The following WNT9B variants were observed in gnomAD, a reference collection of about 807,000 sequenced individuals.
WNT9B encodes the protein protein Wnt-9b.
Under a neutral mutation model 30.2 loss-of-function variants are expected in WNT9B, and 12 were observed. The observed-to-expected ratio is 0.40, with a 90% CI of 0.26 to 0.64. WNT9B has a LOEUF of 0.64. WNT9B is among the 30% of genes least tolerant of loss of function. The probability of loss-of-function intolerance (pLI) is 0.42; values close to 1 mark genes in which losing one functional copy is unlikely to be tolerated. For synonymous variants in WNT9B, 218 were observed against 216.9 expected (o/e 1.01, Z -0.05); for missense variants, 442 against 485.2 (o/e 0.91, Z 0.84).
rs185581470 is a variant in WNT9B, at chr17:46,872,304, C to T, written c.78-213C>T. On this transcript the variant is annotated intron_variant, in intron 1 of 3. Transcript: ENST00000290015. ...ATAGGGTGGATAAGAAGAGCAGAGA[C>T]CGGAATCTGGAAAACAGGTTTAAGG... 2.4e-4 allele frequency among the ~76,000 whole-genome samples: 37 copies of T among 152,290 alleles called. No homozygotes were observed. The East Asian group carries it at 7.1e-3, about 29-fold the overall frequency.
rs1469225608 is a variant in WNT9B, at chr17:46,874,951, G to A, written c.335-150G>A. 5 of 1,239,882 alleles carry A rather than the reference G, an allele frequency of 4.0e-6. No homozygotes were observed. In the Admixed American group the frequency reaches 5.1e-5, roughly 13 times the overall value. 76.8% of individuals were successfully genotyped at this position (1,239,882 alleles called of 1,614,324 possible). On this transcript the variant is annotated intron_variant, in intron 2 of 3. Transcript: ENST00000290015. ...TTGACAGGGAGACCCACCCGGAGCT[G>A]TGTCCTCAAGCCACATTCTCTTGTC... is the stretch of plus-strand genomic sequence containing the variant.
At chr17:46,883,140 G>A (rs1325811233), downstream of WNT9B, among the ~76,000 whole-genome samples, 6 of 152,032 alleles carry the variant, frequency 3.9e-5, no homozygotes, top group African/African-American at 1.2e-4. Context: ...CACCACGCCC[G>A]GCTAATTTTG....
intron 1 of WNT9B, among the ~76,000 whole-genome samples, chr17:46,864,272 G>A (rs1254402858): frequency 6.6e-6 from 1 of 152,166 alleles, no homozygotes; most frequent in Admixed American, 6.5e-5. Flanking sequence ...CACCAGGAGT[G>A]CGGTTTCAGC....
rs1461208663 is a variant in WNT9B at position 46,879,698 on chromosome 17, A to G, written c.*2980A>G. On this transcript the variant is annotated 3_prime_UTR_variant, in exon 4 of 4. Coordinates refer to ENST00000290015, the MANE Select transcript of WNT9B (RefSeq NM_003396.3). ...TATTTACTGAACATCTCCATAGACC[A>G]GGCACTACGGGCTGACCTGCTCTGA... Among the ~76,000 whole-genome samples, 1 of 152,240 alleles carries G rather than the reference A, an allele frequency of 6.6e-6. No individual in the cohort carries two copies. The highest frequency in any genetic ancestry group is 2.4e-5 in the African/African-American group (1 of 41,464).
At chr17:46,844,848 CT>C (rs1341796766) in intron 1 of WNT9B, among the ~76,000 whole-genome samples, 1 of 151,622 alleles carries the variant, frequency 6.6e-6, no homozygotes, top group Non-Finnish European at 1.5e-5. Context: ...TTCTTTCTTT[CT>C]TTTTTATTTT....
At chr17:46,884,753 G>A (rs575256575), downstream of WNT9B, among the ~76,000 whole-genome samples, 2 of 152,268 alleles carry the variant, frequency 1.3e-5, no homozygotes, top group South Asian at 2.1e-4. Flanking sequence ...ACTTGCCTGA[G>A]GTCACACAGC....
rs149119515 is a variant in WNT9B at position 46,875,247 on chromosome 17, G to C, written c.481G>C (p.Val161Leu). 6.2e-7 allele frequency: 1 copy of C among 1,614,202 alleles called. No individual in the cohort carries two copies. The highest frequency in any genetic ancestry group is 1.1e-5 in the South Asian group (1 of 91,082). Residue 161 changes from valine to leucine, a missense_variant, in exon 3 of 4, where the codon GTG (valine) becomes CTG (leucine). Coordinates refer to ENST00000290015, the MANE Select transcript of WNT9B (RefSeq NM_003396.3). Reference sequence around the variant, plus strand: ...GAGCCGGCAGGCCTGGCAGTGGGGCGTGTGCGGTGACAACCTCAAGTACAG... The same window carrying C: ...GAGCCGGCAGGCCTGGCAGTGGGGCCTGTGCGGTGACAACCTCAAGTACAG... Reference protein sequence around the residue: ...LESRQAWQWGVCGDNLKYSTK... With the variant: ...LESRQAWQWGLCGDNLKYSTK...
chr17:46,869,801 C>G, intron 1 of WNT9B, among the ~76,000 whole-genome samples: 1 of 151,984 alleles, frequency 6.6e-6, no homozygotes, highest in Non-Finnish European at 1.5e-5. Flanking sequence ...GAGTTCGAAA[C>G]CAGCCTGGCT....
intron 1 of WNT9B, among the ~76,000 whole-genome samples, chr17:46,868,270 T>C (rs1438465395): frequency 6.6e-6 from 1 of 152,236 alleles, no homozygotes; most frequent in East Asian, 1.9e-4. Context: ...TAGCATCTCA[T>C]TGGCCATAAG....
At position 46,880,178 on chromosome 17, in the gene WNT9B, G is replaced by T. The variant is rs1428611872; in HGVS notation, c.*3460G>T. ...CCGTTGCTCATGGATGCCCCTGCCT[G>T]CCTCTCATGAGCACATAGTCCTGTC... On this transcript the variant is annotated 3_prime_UTR_variant, in exon 4 of 4. Coordinates refer to ENST00000290015, the MANE Select transcript of WNT9B (RefSeq NM_003396.3). 1.3e-5 allele frequency among the ~76,000 whole-genome samples: 2 copies of T among 152,164 alleles called. No individual in the cohort carries two copies. Among genetic ancestry groups the T allele is most frequent in the Non-Finnish European group, 2.9e-5 (2 of 68,026 alleles).
At chr17:46,844,594 C>T (rs2084753099) in intron 1 of WNT9B, among the ~76,000 whole-genome samples, 2 of 152,158 alleles carry the variant, frequency 1.3e-5, no homozygotes, top group Admixed American at 1.3e-4. Context: ...TTGCATTCCT[C>T]TAGGCACCTA....
At chr17:46,874,194 A>C (rs1309279772) in intron 2 of WNT9B, among the ~76,000 whole-genome samples, 17 of 152,132 alleles carry the variant, frequency 1.1e-4, no homozygotes, top group South Asian at 6.2e-4. Flanking sequence ...AGCAGAGAGG[A>C]GTGTCGGTGG....
chr17:46,842,983 C>T (rs750302699), intron 1 of WNT9B, among the ~76,000 whole-genome samples: 1 of 152,158 alleles, frequency 6.6e-6, no homozygotes, highest in Admixed American at 6.5e-5. Context: ...TAAGTTAGGA[C>T]CCAGGGTTCT....
At chr17:46,851,139 C>T (rs1363900463), upstream of WNT9B, among the ~76,000 whole-genome samples, 1 of 152,176 alleles carries the variant, frequency 6.6e-6, no homozygotes, top group African/African-American at 2.4e-5. The surrounding 1 kb of genome is among the most constrained non-coding windows in gnomAD (Gnocchi z 4.3). Flanking sequence ...CGCACTTGCC[C>T]GGCAGGAGGG....
upstream of WNT9B, among the ~76,000 whole-genome samples, chr17:46,849,202 G>A (rs1247454748): frequency 6.6e-6 from 1 of 152,210 alleles, no homozygotes; most frequent in Non-Finnish European, 1.5e-5. Context: ...TATTTTCCTC[G>A]TGTTTCTCAC....
rs527400844 is a variant in WNT9B at position 46,877,160 on chromosome 17, C to T, written c.*442C>T. ...AGGCAGTGCCAGCTGGAAGTGAAGG[C>T]GGGAGCCTGGCTGAGATGGGTCAAT... On this transcript the variant is annotated 3_prime_UTR_variant, in exon 4 of 4. Coordinates refer to ENST00000290015, the MANE Select transcript of WNT9B (RefSeq NM_003396.3). 21 of 905,482 alleles carry T rather than the reference C, an allele frequency of 2.3e-5. No individual in the cohort carries two copies. The highest frequency in any genetic ancestry group is 2.6e-5 in the Non-Finnish European group (20 of 757,196). 56.1% of individuals were successfully genotyped at this position (905,482 alleles called of 1,614,324 possible).
intron 1 of WNT9B, among the ~76,000 whole-genome samples, chr17:46,837,233 G>A (rs2084644545): frequency 4.6e-5 from 7 of 152,196 alleles, no homozygotes; most frequent in Admixed American, 3.3e-4. Flanking sequence ...GAGCCACCGT[G>A]CCTGGCTGAA....
Position 46,851,662 on chromosome 17 carries a change from C to T in WNT9B, c.24C>T (p.Ala8=), listed in dbSNP as rs2084847866. The T allele has an allele frequency of 5.4e-6, 7 of 1,301,002 alleles. No homozygotes were observed. The highest frequency in any genetic ancestry group is 6.8e-6 in the Non-Finnish European group (7 of 1,028,760). The allele number at this position is 1,301,002 out of a possible 1,614,324, so 80.6% of individuals were successfully genotyped here. Residue 8 remains alanine, a synonymous_variant, in exon 1 of 4, where the codon GCC becomes GCT. Coordinates refer to ENST00000290015, the MANE Select transcript of WNT9B (RefSeq NM_003396.3). The surrounding 1 kb of genome is among the most constrained non-coding windows in gnomAD (Gnocchi z 4.3). ...CCATGCGCCCCCCGCCCGCGCTGGCCCTGGCCGGGCTCTGCCTGCTGGCGC... is the reference window on the plus strand; with the variant it reads ...CCATGCGCCCCCCGCCCGCGCTGGCTCTGGCCGGGCTCTGCCTGCTGGCGC... MRPPPAL[A]LAGLCLLALP... is the part of the protein sequence containing the mutation.
In WNT9B at chr17:46,886,439, G is replaced by A. The variant is rs550441399; in HGVS notation, c.*1320G>A. 3.3e-5 allele frequency: 5 copies of A among 152,300 alleles called. No homozygotes were observed. The East Asian group carries it at 9.6e-4, about 29-fold the overall frequency. The allele number at this position is 152,300 out of a possible 1,614,324, so 9.4% of individuals were successfully genotyped here. A position where few individuals can be genotyped will look rare whatever the true frequency, so the allele number is the denominator to read the frequency against. On this transcript the variant is annotated 3_prime_UTR_variant, in exon 5 of 5. Transcript: ENST00000393461. The stretch of plus-strand genomic sequence containing the variant: ...GGACCCAACAGACCAAACAAATATG[G>A]AGTCACTCATGCTAAATGCAATTAA...
Sources: allele counts gnomAD v4.1 joint callset (sites outside exome capture counted in the v4.1 genomes callset), GRCh38; gene constraint gnomAD v4.1.1; non-coding constraint Gnocchi (gnomAD v3.1); transcripts MANE v1.5; gene names NCBI Gene and HGNC (gene_info 2026-07-23, HGNC 2026-07-21).